RASAL1: variants seen among roughly 807,000 people sequenced by gnomAD.
The protein encoded by RASAL1 is rasGAP-activating-like protein 1.
In RASAL1, 72 loss-of-function variants were observed where a neutral mutation model predicts 96.6. The observed-to-expected ratio is 0.75, with a 90% CI of 0.62 to 0.91. The LOEUF (loss-of-function observed/expected upper bound fraction) is 0.91, where lower values mean the gene tolerates loss of function less well. RASAL1 is among the 40% of genes least tolerant of loss of function. The pLI is 0.00. For missense variants in RASAL1, 1,016 were observed against 1,072.5 expected, an observed-to-expected ratio of 0.95 and a Z score of 0.74; for synonymous variants, 405 against 430.4, an observed-to-expected ratio of 0.94 and a Z score of 0.73.
chr12:113,107,106 C>T lies in RASAL1; in HGVS notation c.1648G>A (p.Gly550Arg). Residue 550 changes from glycine to arginine, a missense_variant, in exon 15 of 21, where the codon GGG becomes AGG. Gly to Arg is a moderately radical substitution (Grantham distance 125, BLOSUM62 -2). Transcript: ENST00000548055. ...DFLDRLVDVD[G>R]DEEAGVPARA... ...GACCACAGGAACTCACCTTCATCCC[C>T]ATCCACATCCACCAGCCGGTCCAGG... 1.2e-6 allele frequency: 2 copies of T among 1,612,140 alleles called. No individual in the cohort carries two copies. The highest frequency in any genetic ancestry group is 2.2e-5 in the South Asian group (2 of 90,714).
In RASAL1 at chr12:113,128,245, GACACACACACACACAC is replaced by G. The variant is rs4007310; in HGVS notation, c.123-83_123-68del. 4.7e-4 allele frequency: 264 copies of G among 566,832 alleles called. 2 individuals are homozygous for G. In the East Asian group the frequency reaches 7.3e-3, roughly 16 times the overall value. 35.1% of individuals were successfully genotyped at this position (566,832 alleles called of 1,614,324 possible). A position where few individuals can be genotyped will look rare whatever the true frequency, so the allele number is the denominator to read the frequency against. ...CAGGAGGCAGACACCTGGAGACCCAGACACACACACACACACACACACACACACACACACACGGGAA... is the reference window on the plus strand; with the variant it reads ...CAGGAGGCAGACACCTGGAGACCCAGACACACACACACACACACACGGGAA... On this transcript the variant is annotated intron_variant, in intron 2 of 20. Coordinates refer to ENST00000548055, the MANE Select transcript of RASAL1 (RefSeq NM_001301202.2).
intron 4 of RASAL1, among the ~76,000 whole-genome samples, chr12:113,126,503 G>A (rs1951485714): frequency 6.6e-6 from 1 of 152,030 alleles, no homozygotes; most frequent in Non-Finnish European, 1.5e-5. Flanking sequence ...TTCACATGGT[G>A]AAACCCTTCC....
intron 5 of RASAL1, among the ~76,000 whole-genome samples, chr12:113,120,248 C>T (rs1353987146): frequency 6.6e-6 from 1 of 152,196 alleles, no homozygotes; most frequent in African/African-American, 2.4e-5. Context: ...GGAGCTGGCC[C>T]AGTTGCTAAG....
intron 16 of RASAL1, 32 bp downstream of exon 16, chr12:113,105,682 G>T: frequency 6.4e-7 from 1 of 1,554,316 alleles, no homozygotes. Context: ...GGCCACCCCT[G>T]GAAAGCCCTC....
chr12:113,105,580 T>A, intron 16 of RASAL1, 134 bp downstream of exon 16: 1 of 964,810 alleles, frequency 1.0e-6, no homozygotes, highest in Non-Finnish European at 1.5e-6. Flanking sequence ...CCTGAGAGTT[T>A]GTCGTTGTTA....
chr12:113,106,797 AC>A (rs1950661723), intron 15 of RASAL1, among the ~76,000 whole-genome samples: 1 of 152,284 alleles, frequency 6.6e-6, no homozygotes, highest in East Asian at 1.9e-4. Context: ...CATCCCCAGC[AC>A]CTAGAACTGT....
intron 13 of RASAL1, 62 bp from the exon 14 acceptor site, chr12:113,108,284 G>A: frequency 6.6e-7 from 1 of 1,524,692 alleles, no homozygotes. Flanking sequence ...TGCGTAAACT[G>A]AGGCAGCAAG....
At chr12:113,101,832 T>TG in intron 19 of RASAL1, 57 bp downstream of exon 19, 4 of 1,579,586 alleles carry the variant, frequency 2.5e-6, no homozygotes, top group African/African-American at 1.3e-5. Context: ...AAGGCCACGG[T>TG]GGGGGGCTGG....
At chr12:113,105,997 T>A in intron 15 of RASAL1, 111 bp from the exon 16 acceptor site, 1 of 1,149,492 alleles carries the variant, frequency 8.7e-7, no homozygotes, top group Non-Finnish European at 1.2e-6. Flanking sequence ...GGTTCTCTGC[T>A]CCCCTAGAGG....
At chr12:113,107,719 A>G (rs868679271) in intron 14 of RASAL1, 1 of 387,300 alleles carries the variant, frequency 2.6e-6, no homozygotes, top group Middle Eastern at 3.5e-4. Context: ...CACTAACCTT[A>G]TTCTGTTCCC....
At chr12:113,117,432 G>T (rs573319064) in intron 7 of RASAL1, among the ~76,000 whole-genome samples, 1 of 152,328 alleles carries the variant, frequency 6.6e-6, no homozygotes, top group East Asian at 1.9e-4. Context: ...AGGTCACACA[G>T]CTGCTAGAGA....
chr12:113,110,273 C>T (rs1318825674), intron 13 of RASAL1, among the ~76,000 whole-genome samples: 1 of 152,192 alleles, frequency 6.6e-6, no homozygotes, highest in Non-Finnish European at 1.5e-5. Context: ...AGTGTTTTGC[C>T]TCTCTGGGCC....
Position 113,121,726 on chromosome 12 carries a change from A to ATTT in RASAL1, c.299-91_299-89dup. 4.2e-6 allele frequency: 5 copies of ATTT among 1,188,948 alleles called. No homozygotes were observed. In the African/African-American group the frequency reaches 4.7e-5, roughly 11 times the overall value. The allele number at this position is 1,188,948 out of a possible 1,614,324, so 73.6% of individuals were successfully genotyped here. On this transcript the variant is annotated intron_variant, in intron 4 of 20. Coordinates refer to ENST00000548055, the MANE Select transcript of RASAL1 (RefSeq NM_001301202.2). The stretch of plus-strand genomic sequence containing the variant: ...TAAAAATTCAATTAACATTATTTTC[A>ATTT]TTTTTTTTTTTTTGACACAGGGTCT...
Position 113,099,723 on chromosome 12 carries a change from T to G in RASAL1, c.*206A>C. 1.8e-6 allele frequency: 1 copy of G among 561,652 alleles called. No homozygotes were observed. Among genetic ancestry groups the G allele is most frequent in the Non-Finnish European group, 2.9e-6 (1 of 347,592 alleles). 34.8% of individuals were successfully genotyped at this position (561,652 alleles called of 1,614,324 possible). A position where few individuals can be genotyped will look rare whatever the true frequency, so the allele number is the denominator to read the frequency against. On this transcript the variant is annotated 3_prime_UTR_variant, in exon 21 of 21. Transcript: ENST00000548055. ...GTCTGAATCAAGCCAGAGGGCAAGT[T>G]TCACTCAGTGCAAGGCTGGCCCCTG...
intron 1 of RASAL1, among the ~76,000 whole-genome samples, chr12:113,132,043 T>C (rs1951735026): frequency 2.0e-5 from 3 of 149,788 alleles, no homozygotes; most frequent in Admixed American, 1.3e-4. Flanking sequence ...GCGATCTTGG[T>C]TCACTGCAAT....
chr12:113,103,413 C>A (rs1033995756), intron 18 of RASAL1, among the ~76,000 whole-genome samples: 1 of 152,052 alleles, frequency 6.6e-6, no homozygotes, highest in Non-Finnish European at 1.5e-5. Flanking sequence ...CGAGACCAGC[C>A]TGACCAACAT....
At chr12:113,113,892 G>A (rs958008394) in intron 12 of RASAL1, among the ~76,000 whole-genome samples, 4 of 152,106 alleles carry the variant, frequency 2.6e-5, no homozygotes, top group African/African-American at 9.7e-5. Context: ...CTTGCAGGCA[G>A]GCCCACTCAG....
At chr12:113,111,972 G>A in intron 13 of RASAL1, 114 bp downstream of exon 13, 1 of 941,778 alleles carries the variant, frequency 1.1e-6, no homozygotes, top group South Asian at 5.5e-5. Context: ...TGCCAGGACA[G>A]AATGCTCTAG....
Position 113,115,016 on chromosome 12 carries a change from G to C in RASAL1, c.1069-104C>G. 1 of 1,124,346 alleles carries C rather than the reference G, an allele frequency of 8.9e-7. No individual in the cohort carries two copies. Among genetic ancestry groups the C allele is most frequent in the East Asian group, 2.3e-5 (1 of 42,646 alleles). 69.6% of individuals were successfully genotyped at this position (1,124,346 alleles called of 1,614,324 possible). A position where few individuals can be genotyped will look rare whatever the true frequency, so the allele number is the denominator to read the frequency against. Reference sequence around the variant, plus strand: ...CATGCAGGAAGAGGTTCAGAGAGAGGCCAGGGCTGGGGTAGGGGACACATC... The same window carrying C: ...CATGCAGGAAGAGGTTCAGAGAGAGCCCAGGGCTGGGGTAGGGGACACATC... On this transcript the variant is annotated intron_variant, in intron 11 of 20. Coordinates refer to ENST00000548055, the MANE Select transcript of RASAL1 (RefSeq NM_001301202.2). This position sits in a 1 kb window ranked among gnomAD's most constrained non-coding sequence, Gnocchi z 4.1.
Sources: gnomAD v4.1 joint callset for allele counts (sites outside exome capture counted in the v4.1 genomes callset) on GRCh38, gnomAD v4.1.1 for gene constraint, Gnocchi (gnomAD v3.1) non-coding constraint, MANE v1.5 for transcripts, NCBI Gene and HGNC (gene_info 2026-07-23, HGNC 2026-07-21) for gene names.